Variants in RFPL2 observed in about 807,000 individuals in gnomAD.
RFPL2 encodes ret finger protein-like 2.
A neutral mutation model predicts 17.8 loss-of-function variants in RFPL2; 13 were observed. That is an observed-to-expected ratio of 0.73 (90% confidence interval 0.47 to 1.16). The LOEUF (loss-of-function observed/expected upper bound fraction) is 1.16. Ranked by LOEUF, RFPL2 falls within the 50% of genes most tolerant of loss-of-function variation. The probability of loss-of-function intolerance (pLI) is 0.00; values close to 1 mark genes in which losing one functional copy is unlikely to be tolerated. For synonymous variants in RFPL2, 189 were observed against 180.9 expected, an observed-to-expected ratio of 1.04 and a Z score of -0.36; for missense variants, 431 against 479.3, an observed-to-expected ratio of 0.90 and a Z score of 0.94.
intron 2 of RFPL2, among the ~76,000 whole-genome samples, chr22:32,199,333 A>T (rs1410533967): frequency 6.6e-6 from 1 of 152,164 alleles, no homozygotes; most frequent in Non-Finnish European, 1.5e-5. Flanking sequence ...CAAATCTGAC[A>T]GGCAGATCCC....
chr22:32,197,514 C>A (rs1055934066), intron 2 of RFPL2, among the ~76,000 whole-genome samples: 1 of 151,800 alleles, frequency 6.6e-6, no homozygotes, highest in Non-Finnish European at 1.5e-5. Context: ...CCCGTTAACT[C>A]GTCGTTTACA....
At chr22:32,197,076 C>T (rs910556405) in intron 2 of RFPL2, among the ~76,000 whole-genome samples, 1 of 152,056 alleles carries the variant, frequency 6.6e-6, no homozygotes, top group Non-Finnish European at 1.5e-5. Flanking sequence ...GTTTATTTGC[C>T]CTGCTCAGGA....
At chr22:32,200,484 G>T (rs543672503) in intron 2 of RFPL2, among the ~76,000 whole-genome samples, 1 of 152,210 alleles carries the variant, frequency 6.6e-6, no homozygotes, top group East Asian at 1.9e-4. Context: ...TAGCCCAGGG[G>T]GAGAGGCTCC....
chr22:32,191,288 G>T lies in RFPL2; in HGVS notation c.621C>A (p.Ser207Arg), dbSNP rs763441658. Residue 207 changes from serine (S) to arginine (R), a missense_variant, in exon 5 of 5, where the codon AGC (serine) becomes AGA (arginine). Transcript: ENST00000652607. ...NFLLISDDLR[S>R]VRSGRIRQNR... ...TCTGTCTGATGCGCCCACTTCGGAC[G>T]CTCCTGAGGTCGTCAGAAATGAGGA... is the stretch of plus-strand genomic sequence containing the variant. The T allele has an allele frequency of 1.2e-6, 2 of 1,613,910 alleles. No individual in the cohort carries two copies. Among genetic ancestry groups the T allele is most frequent in the Non-Finnish European group, 1.7e-6 (2 of 1,179,852 alleles).
chr22:32,198,434 A>G (rs1603207874), intron 2 of RFPL2, among the ~76,000 whole-genome samples: 1 of 138,776 alleles, frequency 7.2e-6, no homozygotes, highest in East Asian at 2.5e-4. Context: ...GCAAATGCCC[A>G]CCGGGGTCAG....
intron 2 of RFPL2, 35 bp downstream of exon 2, chr22:32,202,298 T>C (rs763154309): frequency 1.3e-6 from 2 of 1,560,728 alleles, no homozygotes; most frequent in Non-Finnish European, 1.7e-6. Context: ...GACTCCACCC[T>C]GGAGCAATGC....
In RFPL2 at chr22:32,192,980, G is replaced by C. The variant is rs200290587; in HGVS notation, c.478C>G (p.Leu160Val). The change falls in exon 4 of 5, where the codon CTG (leucine) becomes GTG (valine). Residue 160 changes from leucine to valine, a missense_variant. Physicochemically the swap from Leu to Val is conservative, Grantham distance 32 (BLOSUM62 1). Coordinates refer to ENST00000652607, the MANE Select transcript of RFPL2 (RefSeq NM_001394555.1). ...KIRRNRQLER[L>V]ASHIKELEPK... ...TCCAGTTCCTTGATGTGGGAAGCCA[G>C]CCTCTCTAGCTGCCGATTGCGCCTG... 7.2e-5 allele frequency: 116 copies of C among 1,614,094 alleles called. No homozygotes were observed. Among genetic ancestry groups the C allele is most frequent in the Non-Finnish European group, 9.1e-5 (107 of 1,180,058 alleles).
At chr22:32,195,465 T>A (rs1923219081) in intron 2 of RFPL2, among the ~76,000 whole-genome samples, 1 of 48,448 alleles carries the variant, frequency 2.1e-5, no homozygotes, top group African/African-American at 4.0e-5. Flanking sequence ...TTCTTTTTTC[T>A]TTTTTTTTGA....
chr22:32,191,503 C>T, intron 4 of RFPL2, 151 bp from the exon 5 acceptor site: 1 of 934,684 alleles, frequency 1.1e-6, no homozygotes, highest in Non-Finnish European at 1.6e-6. Flanking sequence ...ACTTCCCTGA[C>T]TAGTTCAAAT....
rs527665979 is a variant in RFPL2 at position 32,191,332 on chromosome 22, T to C, written c.577A>G (p.Asn193Asp). 3.2e-5 allele frequency: 51 copies of C among 1,613,422 alleles called. No homozygotes were observed. The highest frequency in any genetic ancestry group is 1.6e-4 in the African/African-American group (12 of 75,024). Residue 193 changes from asparagine to aspartate, a missense_variant, in exon 5 of 5, where the codon AAC becomes GAC. Transcript: ENST00000652607. ...KFQVDMTLDANTANNFLLISD... is the reference protein window; with the variant it reads ...KFQVDMTLDADTANNFLLISD... ...ATGAGGAGGAAGTTGTTGGCTGTGT[T>C]GGCATCCAAGGTCATATCCACTGTG...
Position 32,202,560 on chromosome 22 carries a change from G to C in RFPL2, c.-99-10C>G, listed in dbSNP as rs955265798. ...ACAAAGCCAGAAAAGCCTAGAACAG[G>C]ATGCAGAGTGGTAACATTAGAGCGC... On this transcript the variant is annotated splice_polypyrimidine_tract_variant and intron_variant, in intron 1 of 4. Transcript: ENST00000652607. 1 of 1,498,714 alleles carries C rather than the reference G, an allele frequency of 6.7e-7. No individual in the cohort carries two copies. The highest frequency in any genetic ancestry group is 1.4e-5 in the African/African-American group (1 of 71,740). The allele number at this position is 1,498,714 out of a possible 1,614,324, so 92.8% of individuals were successfully genotyped here. A position where few individuals can be genotyped will look rare whatever the true frequency, so the allele number is the denominator to read the frequency against.
intron 2 of RFPL2, among the ~76,000 whole-genome samples, chr22:32,199,277 C>G (rs1365878838): frequency 6.6e-6 from 1 of 152,078 alleles, no homozygotes; most frequent in Non-Finnish European, 1.5e-5. Context: ...GAGGTGGATG[C>G]TGAGTCTCTG....
chr22:32,196,390 A>G (rs540633468), intron 2 of RFPL2, among the ~76,000 whole-genome samples: 5 of 152,214 alleles, frequency 3.3e-5, no homozygotes, highest in African/African-American at 9.6e-5. Context: ...ATTTAGTTCT[A>G]TTAAAAAATG....
chr22:32,191,040 G>C lies in RFPL2; in HGVS notation c.869C>G (p.Thr290Ser), dbSNP rs136472. ...GAAGAGGAAAGTCAGCGGCACCGTGGTGGCAGAGAGGCGGCCTCCATCCCT... is the reference window on the plus strand; with the variant it reads ...GAAGAGGAAAGTCAGCGGCACCGTGCTGGCAGAGAGGCGGCCTCCATCCCT... ...SLRDGGRLSA[T>S]TVPLTFLFVD... The change falls in exon 5 of 5, where the codon ACC becomes AGC. Residue 290 changes from threonine to serine, a missense_variant. By Grantham distance (58) the Thr-to-Ser change is moderately conservative. Transcript: ENST00000652607. 781,782 of 1,610,608 alleles carry C rather than the reference G, an allele frequency of 0.49. 198,606 individuals carry two copies. The highest frequency in any genetic ancestry group is 0.82 in the African/African-American group (61,332 of 74,668).
intron 1 of RFPL2, chr22:32,202,773 A>C (rs897872377): frequency 5.5e-6 from 6 of 1,089,056 alleles, no homozygotes; most frequent in Admixed American, 5.0e-5. Context: ...CCCTGGCTGC[A>C]CTCCTCGGGA....
intron 1 of RFPL2, among the ~76,000 whole-genome samples, chr22:32,204,283 A>G (rs943623648): frequency 1.8e-4 from 27 of 150,420 alleles, no homozygotes; most frequent in African/African-American, 6.4e-4. Context: ...GATGTCCCAG[A>G]TAGCGCCCCC....
chr22:32,192,964 T>C lies in RFPL2; in HGVS notation c.494A>G (p.Lys165Arg), dbSNP rs569932227. Residue 165 changes from lysine (K) to arginine (R), a missense_variant, in exon 4 of 5, where the codon AAG becomes AGG. Transcript: ENST00000652607. ...CTTCTTCAGCTTGGGCTCCAGTTCC[T>C]TGATGTGGGAAGCCAGCCTCTCTAG... The part of the protein sequence containing the change: ...RQLERLASHI[K>R]ELEPKLKKIL... 11 of 1,614,194 alleles carry C rather than the reference T, an allele frequency of 6.8e-6. No homozygotes were observed. Among genetic ancestry groups the C allele is most frequent in the African/African-American group, 2.7e-5 (2 of 75,038 alleles).
At chr22:32,193,394 GA>G in intron 3 of RFPL2, 1 of 1,539,330 alleles carries the variant, frequency 6.5e-7, no homozygotes, top group Non-Finnish European at 8.7e-7. Flanking sequence ...GGAAAGTCAC[GA>G]ATCATCACTG....
Position 32,202,318 on chromosome 22 carries a change from A to G in RFPL2, c.119+15T>C, listed in dbSNP as rs1409499991. On this transcript the variant is annotated intron_variant, in intron 2 of 4. Transcript: ENST00000652607. ...CACCCTGGAGCAATGCGGAAAACCC[A>G]GAATTGTCTCTCACCTCAGGCTCCT... 7 of 1,580,772 alleles carry G rather than the reference A, an allele frequency of 4.4e-6. No homozygotes were observed. The East Asian group carries it at 1.6e-4, about 36-fold the overall frequency.
Sources: allele counts gnomAD v4.1 joint callset (sites outside exome capture counted in the v4.1 genomes callset), GRCh38; gene constraint gnomAD v4.1.1; transcripts MANE v1.5; gene names NCBI Gene and HGNC (gene_info 2026-07-23, HGNC 2026-07-21).